KANSL3: variants seen among roughly 807,000 people sequenced by gnomAD.
KANSL3 encodes the protein NSL complex protein NSL3.
A neutral mutation model predicts 89.2 loss-of-function variants in KANSL3; 16 were observed. The observed-to-expected ratio is 0.18, with a 90% confidence interval of 0.12 to 0.27. The LOEUF is 0.27. Ranked by LOEUF, KANSL3 falls within the 10% of genes least tolerant of loss-of-function variation. The pLI is 1.00. For missense variants in KANSL3, 879 were observed against 1,110.6 expected (o/e 0.79, Z 2.96); for synonymous variants, 385 against 419.7 (o/e 0.92, Z 1.01).
At position 96,619,699 on chromosome 2, in the gene KANSL3, G is replaced by A. The variant is rs1382605538; in HGVS notation, c.450C>T (p.Asp150=). 1 of 1,566,044 alleles carries A rather than the reference G, an allele frequency of 6.4e-7. No individual in the cohort carries two copies. Among genetic ancestry groups the A allele is most frequent in the Admixed American group, 1.9e-5 (1 of 52,338 alleles). The change falls in exon 4 of 21, where the codon GAC becomes GAT. Residue 150 remains aspartate (D), a synonymous_variant. Transcript: ENST00000431828. The part of the protein sequence containing the change: ...FNKILKALQS[D]RLARLANEGA... ...CTTCGTTGGCCAAGCGGGCAAGCCG[G>A]TCAGACTGCAGGGCTTTGAGGATCT...
intron 3 of KANSL3, among the ~76,000 whole-genome samples, chr2:96,620,463 T>C (rs1313236655): frequency 6.6e-6 from 1 of 152,212 alleles, no homozygotes; most frequent in Non-Finnish European, 1.5e-5. Flanking sequence ...TTATTGCTTA[T>C]TGCTTACCTA....
chr2:96,606,141 T>C (rs1267426591), intron 14 of KANSL3: 1 of 152,330 alleles, frequency 6.6e-6, no homozygotes, highest in Admixed American at 6.5e-5. Flanking sequence ...GAGTAGCTAC[T>C]AGGAGAGAGA....
At chr2:96,631,622 G>T (rs2073404963) in intron 2 of KANSL3, 140 bp from the exon 3 acceptor site, 3 of 999,860 alleles carry the variant, frequency 3.0e-6, no homozygotes, top group African/African-American at 1.6e-5. Flanking sequence ...AGAAAATTTT[G>T]ATCCAAAGTC....
At chr2:96,608,740 A>ATTCC (rs2068387884) in intron 13 of KANSL3, 76 bp from the exon 14 acceptor site, 2 of 1,592,462 alleles carry the variant, frequency 1.3e-6, no homozygotes, top group African/African-American at 2.7e-5. Context: ...TCCCTCTGGA[A>ATTCC]TTCCCCTTGT....
At chr2:96,632,504 C>T (rs1014824954) in intron 2 of KANSL3, among the ~76,000 whole-genome samples, 1 of 152,060 alleles carries the variant, frequency 6.6e-6, no homozygotes, top group Non-Finnish European at 1.5e-5. Context: ...TGATTTGGCT[C>T]AAGCTAATAT....
intron 20 of KANSL3, among the ~76,000 whole-genome samples, chr2:96,599,172 A>C (rs954944251): frequency 1.9e-4 from 29 of 152,238 alleles, no homozygotes; most frequent in African/African-American, 7.0e-4. Context: ...ATGTGACAGC[A>C]GTGGATTTTA....
At chr2:96,621,633 GTC>G (rs2071299562) in intron 3 of KANSL3, among the ~76,000 whole-genome samples, 1 of 151,668 alleles carries the variant, frequency 6.6e-6, no homozygotes, top group Non-Finnish European at 1.5e-5. Flanking sequence ...AGGGCAACAT[GTC>G]TCTCAAAAAA....
At chr2:96,601,509 C>A in intron 20 of KANSL3, 134 bp downstream of exon 20, 1 of 1,415,580 alleles carries the variant, frequency 7.1e-7, no homozygotes. Flanking sequence ...CCACAAACTC[C>A]AGAATACAGA....
At chr2:96,636,781 G>T in intron 2 of KANSL3, 140 bp downstream of exon 2, 1 of 688,516 alleles carries the variant, frequency 1.5e-6, no homozygotes, top group Non-Finnish European at 2.4e-6. Flanking sequence ...CTATCCTTAT[G>T]CTGCTTAAGA....
chr2:96,636,954 A>G lies in KANSL3; in HGVS notation c.182T>C (p.Phe61Ser). 1 of 1,546,426 alleles carries G rather than the reference A, an allele frequency of 6.5e-7. No homozygotes were observed. The highest frequency in any genetic ancestry group is 8.7e-7 in the Non-Finnish European group (1 of 1,143,878). Residue 61 changes from phenylalanine (F) to serine (S), a missense_variant, in exon 2 of 21, where the codon TTT (phenylalanine) becomes TCT (serine). By Grantham distance (155) the Phe-to-Ser change is radical. This residue lies in a region of KANSL3 where 210 missense variants were observed against 311.9 expected (regional missense o/e 0.67). Transcript: ENST00000431828. ...ASSARPTRML[F>S]VTPRRQHEST... Reference sequence around the variant, plus strand: ...TTCGTGCTGCCGCCGGGGAGTGACAAAGAGCATGCGGGTGGGGCGGGCACT... The same window carrying G: ...TTCGTGCTGCCGCCGGGGAGTGACAGAGAGCATGCGGGTGGGGCGGGCACT...
Position 96,602,260 on chromosome 2 carries a change from T to A in KANSL3, c.2338A>T (p.Ile780Phe). ...TTGTSTIVRT[I>F]PVATTLSSLG... ...GAGGAGAGAGTGGTGGCCACAGGAATGGTACGGACAATGGTGCTGGTGCCC... is the reference window on the plus strand; with the variant it reads ...GAGGAGAGAGTGGTGGCCACAGGAAAGGTACGGACAATGGTGCTGGTGCCC... Residue 780 changes from isoleucine to phenylalanine, a missense_variant, in exon 19 of 21, where the codon ATT (isoleucine) becomes TTT (phenylalanine). Coordinates refer to ENST00000431828, the MANE Select transcript of KANSL3 (RefSeq NM_001115016.3). 6.2e-7 allele frequency: 1 copy of A among 1,612,532 alleles called. No individual in the cohort carries two copies. Among genetic ancestry groups the A allele is most frequent in the South Asian group, 1.1e-5 (1 of 90,506 alleles).
At chr2:96,623,891 C>T (rs555336152) in intron 3 of KANSL3, among the ~76,000 whole-genome samples, 56 of 152,368 alleles carry the variant, frequency 3.7e-4, no homozygotes, top group Non-Finnish European at 6.3e-4. Context: ...CCTCCATCTT[C>T]AGAAGCTTTC....
intron 3 of KANSL3, 94 bp downstream of exon 3, chr2:96,631,218 T>C (rs1351851758): frequency 8.9e-6 from 8 of 902,270 alleles, no homozygotes; most frequent in African/African-American, 1.6e-5. Flanking sequence ...CTTGTGTTGC[T>C]GCAAATGAAA....
At position 96,598,085 on chromosome 2, in the gene KANSL3, C is replaced by T. The variant is rs953251862; in HGVS notation, c.2617-2454G>A. On this transcript the variant is annotated intron_variant, in intron 20 of 20. Transcript: ENST00000431828. ...TGGCAAGCTGAGACGGATTACCTAA[C>T]ACAGGAGGAAGGGATCACGTGGCAG... 24 of 985,208 alleles carry T rather than the reference C, an allele frequency of 2.4e-5. No homozygotes were observed. In the African/African-American group the frequency reaches 4.0e-4, roughly 17 times the overall value. 61.0% of individuals were successfully genotyped at this position (985,208 alleles called of 1,614,324 possible). A position where few individuals can be genotyped will look rare whatever the true frequency, so the allele number is the denominator to read the frequency against.
At chr2:96,633,640 C>G (rs1028061685) in intron 2 of KANSL3, among the ~76,000 whole-genome samples, 7 of 150,916 alleles carry the variant, frequency 4.6e-5, no homozygotes, top group Admixed American at 4.6e-4. Context: ...CAGAGGCATG[C>G]GGATTGCCTG....
the KANSL3 span, among the ~76,000 whole-genome samples, chr2:96,587,432 C>T: frequency 6.6e-6 from 1 of 152,196 alleles, no homozygotes; most frequent in African/African-American, 2.4e-5. Context: ...ACTCCCACCT[C>T]CACCCAGCAG....
chr2:96,621,941 C>G lies in KANSL3; in HGVS notation c.387-2179G>C, dbSNP rs538795868. On this transcript the variant is annotated intron_variant, in intron 3 of 20. Coordinates refer to ENST00000431828, the MANE Select transcript of KANSL3 (RefSeq NM_001115016.3). ...CCAGCCTGGCCAACACAGTGAAACCCTGTCTCTACTAAAAATACAAAACTT... is the reference window on the plus strand; with the variant it reads ...CCAGCCTGGCCAACACAGTGAAACCGTGTCTCTACTAAAAATACAAAACTT... Among the ~76,000 whole-genome samples the G allele has an allele frequency of 9.5e-4, 144 of 151,994 alleles. 1 individual carries two copies. Among genetic ancestry groups the G allele is most frequent in the Admixed American group, 8.9e-3 (135 of 15,254 alleles).
chr2:96,598,909 A>C (rs1233902480), intron 20 of KANSL3, among the ~76,000 whole-genome samples: 1 of 40,324 alleles, frequency 2.5e-5, no homozygotes, highest in South Asian at 2.3e-3. Flanking sequence ...AGACTGTCTC[A>C]AAAAAAAAAA....
chr2:96,600,977 G>T, intron 20 of KANSL3: 1 of 759,976 alleles, frequency 1.3e-6, no homozygotes, highest in Non-Finnish European at 1.6e-6. Context: ...AGATATCTCT[G>T]TCTCCATGTC....
Sources: allele counts gnomAD v4.1 joint callset (sites outside exome capture counted in the v4.1 genomes callset), GRCh38; gene constraint gnomAD v4.1.1; regional missense constraint gnomAD v4.1.1; transcripts MANE v1.5; gene names NCBI Gene and HGNC (gene_info 2026-07-23, HGNC 2026-07-21).